The following PTPRD variants were observed in gnomAD, a reference collection of about 807,000 sequenced individuals.
The protein encoded by PTPRD is protein tyrosine phosphatase receptor type D, also known as receptor-type tyrosine-protein phosphatase delta.
Under a neutral mutation model 214.5 loss-of-function variants are expected in PTPRD, and 34 were observed. The ratio of observed to expected loss-of-function variants is 0.16; its 90% CI spans 0.12 to 0.21. PTPRD has a LOEUF of 0.21. Ranked by LOEUF, PTPRD falls within the 10% of genes least tolerant of loss-of-function variation. The pLI is 1.00. For missense variants in PTPRD, 2,545 were observed against 2,398.7 expected, an observed-to-expected ratio of 1.06 and a Z score of -1.27; for synonymous variants, 1,128 against 845.7, an observed-to-expected ratio of 1.33 and a Z score of -5.79.
chr9:8,623,068 T>C (rs1273593546), intron 14 of PTPRD, among the ~76,000 whole-genome samples: 1 of 151,922 alleles, frequency 6.6e-6, no homozygotes. Context: ...GGAAGATCCC[T>C]TGAACATAGG....
At chr9:9,005,932 T>C (rs779713067) in intron 11 of PTPRD, among the ~76,000 whole-genome samples, 2 of 152,038 alleles carry the variant, frequency 1.3e-5, no homozygotes, top group Non-Finnish European at 2.9e-5. Context: ...TGATGATTAT[T>C]TGGAAAATAT....
chr9:10,081,591 C>T (rs71497174), intron 3 of PTPRD, among the ~76,000 whole-genome samples: 4,128 of 152,100 alleles, frequency 0.027, 123 homozygotes, highest in African/African-American at 0.074. Flanking sequence ...CCTGACCATG[C>T]TAGGGCCCTG....
intron 7 of PTPRD, among the ~76,000 whole-genome samples, chr9:9,676,794 C>A (rs1467821256): frequency 6.6e-6 from 1 of 152,032 alleles, no homozygotes; most frequent in South Asian, 2.1e-4. Flanking sequence ...CCTGTTGTTT[C>A]CTGACTTTTT....
chr9:9,052,397 A>C (rs2099687765), intron 10 of PTPRD, among the ~76,000 whole-genome samples: 1 of 152,186 alleles, frequency 6.6e-6, no homozygotes, highest in Admixed American at 6.6e-5. Context: ...CTTATCTGTG[A>C]CCCTAATAGT....
At chr9:10,309,781 G>A (rs915851644) in intron 3 of PTPRD, among the ~76,000 whole-genome samples, 6 of 151,772 alleles carry the variant, frequency 4.0e-5, no homozygotes, top group African/African-American at 7.2e-5. Context: ...TAAATTTGAC[G>A]TCAATTTAAA....
intron 11 of PTPRD, among the ~76,000 whole-genome samples, chr9:8,961,148 G>C (rs1567253240): frequency 6.6e-6 from 1 of 152,062 alleles, no homozygotes; most frequent in South Asian, 2.1e-4. Flanking sequence ...AAGTTGCCTA[G>C]GGGGACAGGG....
intron 10 of PTPRD, among the ~76,000 whole-genome samples, chr9:9,062,056 C>T (rs1453012165): frequency 6.6e-6 from 1 of 152,148 alleles, no homozygotes; most frequent in Non-Finnish European, 1.5e-5. Flanking sequence ...TGCCCTTTCT[C>T]ATAAAATTAA....
At chr9:9,762,663 C>T (rs562049716) in intron 6 of PTPRD, among the ~76,000 whole-genome samples, 1 of 152,352 alleles carries the variant, frequency 6.6e-6, no homozygotes, top group Non-Finnish European at 1.5e-5. Context: ...TTCCAGTTTA[C>T]ACTGACATGA....
At chr9:9,342,404 G>T (rs1408198397) in intron 9 of PTPRD, among the ~76,000 whole-genome samples, 2 of 152,064 alleles carry the variant, frequency 1.3e-5, no homozygotes, top group African/African-American at 4.8e-5. Flanking sequence ...GGGTTAAAAG[G>T]AAAAGTAGAG....
At chr9:10,344,211 T>C (rs568060157) in intron 2 of PTPRD, among the ~76,000 whole-genome samples, 2 of 152,056 alleles carry the variant, frequency 1.3e-5, no homozygotes, top group African/African-American at 2.4e-5. Flanking sequence ...TTGTATAAGG[T>C]GTAAGGAAGG....
At chr9:10,389,968 C>A (rs1428249229) in intron 2 of PTPRD, among the ~76,000 whole-genome samples, 1 of 151,674 alleles carries the variant, frequency 6.6e-6, no homozygotes, top group Non-Finnish European at 1.5e-5. Flanking sequence ...GAATCTATAG[C>A]TTTTACAGTC....
chr9:9,217,430 G>C (rs754863067), intron 9 of PTPRD, among the ~76,000 whole-genome samples: 8 of 152,052 alleles, frequency 5.3e-5, no homozygotes, highest in Non-Finnish European at 1.2e-4. Context: ...CTTTGAACTA[G>C]TGTTCCTTGG....
chr9:9,362,040 G>A (rs1191548831), intron 9 of PTPRD, among the ~76,000 whole-genome samples: 1 of 150,878 alleles, frequency 6.6e-6, no homozygotes, highest in Non-Finnish European at 1.5e-5. Flanking sequence ...GGAAAACATG[G>A]CACTTGTTCA....
In PTPRD at chr9:9,372,352, C is replaced by A. The variant is rs186325170; in HGVS notation, c.-203+25097G>T. On this transcript the variant is annotated intron_variant, in intron 9 of 45. Transcript: ENST00000381196. The stretch of plus-strand genomic sequence containing the variant: ...TTAGCTCTTCTTGTTGAATTGATCC[C>A]TTTACAATTATGTAATGGCCTTCTT... 6.6e-5 allele frequency among the ~76,000 whole-genome samples: 10 copies of A among 152,242 alleles called. No individual in the cohort carries two copies. In the East Asian group the frequency reaches 1.7e-3, roughly 27 times the overall value.
chr9:9,856,929 G>A (rs958078110), intron 5 of PTPRD, among the ~76,000 whole-genome samples: 1 of 152,016 alleles, frequency 6.6e-6, no homozygotes, highest in South Asian at 2.1e-4. Context: ...TGTGAATTAG[G>A]TCACTTAAAA....
At chr9:10,101,464 C>A (rs2098551172) in intron 3 of PTPRD, among the ~76,000 whole-genome samples, 1 of 151,646 alleles carries the variant, frequency 6.6e-6, no homozygotes, top group South Asian at 2.1e-4. Flanking sequence ...CTGCTAGATA[C>A]CTTTGAACAG....
chr9:8,385,757 T>C (rs771869003), intron 37 of PTPRD, among the ~76,000 whole-genome samples: 37 of 152,192 alleles, frequency 2.4e-4, no homozygotes, highest in Admixed American at 7.2e-4. Flanking sequence ...CGGAATGTTC[T>C]ATTTTGGTCT....
chr9:10,347,828 C>A (rs1380482001), intron 2 of PTPRD, among the ~76,000 whole-genome samples: 6 of 152,028 alleles, frequency 3.9e-5, no homozygotes, highest in African/African-American at 1.4e-4. Context: ...GAGGCCGAGG[C>A]AGGAGGATCA....
intron 5 of PTPRD, among the ~76,000 whole-genome samples, chr9:9,863,188 G>A (rs901461616): frequency 6.6e-6 from 1 of 152,098 alleles, no homozygotes; most frequent in Admixed American, 6.6e-5. Flanking sequence ...GAAAAGATGA[G>A]AGAGAAGTCC....
Sources: gnomAD v4.1 joint callset for allele counts (sites outside exome capture counted in the v4.1 genomes callset) on GRCh38, gnomAD v4.1.1 for gene constraint, MANE v1.5 for transcripts, NCBI Gene and HGNC (gene_info 2026-07-23, HGNC 2026-07-21) for gene names.